CDX1: variants seen among roughly 807,000 people sequenced by gnomAD.
CDX1 encodes the protein caudal type homeobox 1.
Under a neutral mutation model 16.9 loss-of-function variants are expected in CDX1, and 9 were observed. The ratio of observed to expected loss-of-function variants is 0.53; its 90% CI spans 0.32 to 0.93. CDX1 has a LOEUF of 0.93. Among genes scored for constraint, CDX1 ranks in the 40% least tolerant of loss-of-function variants. The pLI, the probability that CDX1 is intolerant of heterozygous loss-of-function variation, is 0.04. For synonymous variants in CDX1, 179 were observed against 179.0 expected, an observed-to-expected ratio of 1.00 and a Z score of 0.00; for missense variants, 393 against 386.1, an observed-to-expected ratio of 1.02 and a Z score of -0.15.
intron 1 of CDX1, 83 bp downstream of exon 1, chr5:150,167,404 T>C: frequency 1.0e-6 from 1 of 1,001,242 alleles, no homozygotes; most frequent in South Asian, 5.0e-5. Flanking sequence ...TGACCTCTGC[T>C]CCGGCCCTGC....
chr5:150,178,298 A>G (rs1761594968), intron 1 of CDX1, among the ~76,000 whole-genome samples: 1 of 152,142 alleles, frequency 6.6e-6, no homozygotes, highest in African/African-American at 2.4e-5. Context: ...TGAGTTACCC[A>G]AGGCTCTTCC....
chr5:150,170,859 C>CT lies in CDX1; in HGVS notation c.445+3547dup, dbSNP rs918303322. ...GGATAGGAAATGACTACAAGACGTT[C>CT]TTTTTTTTTCCTTTTCTCTTTGCAT... On this transcript the variant is annotated intron_variant, in intron 1 of 2. Coordinates refer to ENST00000231656, the MANE Select transcript of CDX1 (RefSeq NM_001804.3). 2.0e-3 allele frequency among the ~76,000 whole-genome samples: 306 copies of CT among 151,694 alleles called. 2 individuals are homozygous for CT. The highest frequency in any genetic ancestry group is 7.0e-3 in the African/African-American group (289 of 41,342).
intron 1 of CDX1, among the ~76,000 whole-genome samples, chr5:150,177,220 T>C (rs553421969): frequency 1.3e-5 from 2 of 152,370 alleles, no homozygotes; most frequent in East Asian, 3.9e-4. Flanking sequence ...AAATTGGTCT[T>C]AGAATTCTTT....
At chr5:150,168,455 G>A (rs1761462503) in intron 1 of CDX1, among the ~76,000 whole-genome samples, 1 of 152,244 alleles carries the variant, frequency 6.6e-6, no homozygotes, top group Non-Finnish European at 1.5e-5. Context: ...CCAGGGAGAT[G>A]CAGGGAACCA....
chr5:150,183,507 G>A lies in CDX1; in HGVS notation c.625G>A (p.Glu209Lys). 5 of 1,610,540 alleles carry A rather than the reference G, an allele frequency of 3.1e-6. No homozygotes were observed. Among genetic ancestry groups the A allele is most frequent in the Non-Finnish European group, 3.4e-6 (4 of 1,177,752 alleles). Residue 209 changes from glutamate (E) to lysine (K), a missense_variant, in exon 3 of 3, where the codon GAG (glutamate) becomes AAG (lysine). Coordinates refer to ENST00000231656, the MANE Select transcript of CDX1 (RefSeq NM_001804.3). ...KIWFQNRRAKERKVNKKKQQQ... is the reference protein window; with the variant it reads ...KIWFQNRRAKKRKVNKKKQQQ... The stretch of plus-strand genomic sequence containing the variant: ...CTGGTTCCAAAACCGGCGGGCAAAG[G>A]AGCGCAAAGTGAACAAGAAGAAACA...
Position 150,167,245 on chromosome 5 carries a change from C to T in CDX1, c.369C>T (p.Ser123=). 3.2e-6 allele frequency: 4 copies of T among 1,265,422 alleles called. No individual in the cohort carries two copies. In the East Asian group the frequency reaches 9.4e-5, roughly 30 times the overall value. The allele number at this position is 1,265,422 out of a possible 1,614,324, so 78.4% of individuals were successfully genotyped here. ...CCCTCGGGGGCCCGGGCACACCGTC[C>T]TCGCCCGGAGCGCAGAGGCCGACGC... ...AQPLGGPGTP[S]SPGAQRPTPY... is the part of the protein sequence containing the mutation. The change falls in exon 1 of 3, where the codon TCC becomes TCT. Residue 123 remains serine, a synonymous_variant. Coordinates refer to ENST00000231656, the MANE Select transcript of CDX1 (RefSeq NM_001804.3).
Position 150,182,887 on chromosome 5 carries a change from G to A in CDX1, c.565G>A (p.Ala189Thr). 1 of 1,611,716 alleles carries A rather than the reference G, an allele frequency of 6.2e-7. No homozygotes were observed. The highest frequency in any genetic ancestry group is 8.5e-7 in the Non-Finnish European group (1 of 1,178,898). ...ITIRRKSELA[A>T]NLGLTERQVK... ...AATCCGGCGGAAATCAGAGCTGGCT[G>A]CCAATCTGGGGCTCACTGAACGGCA... Residue 189 changes from alanine (A) to threonine (T), a missense_variant, in exon 2 of 3, where the codon GCC (alanine) becomes ACC (threonine). Coordinates refer to ENST00000231656, the MANE Select transcript of CDX1 (RefSeq NM_001804.3).
chr5:150,176,564 G>T (rs1411858094), intron 1 of CDX1, among the ~76,000 whole-genome samples: 1 of 152,190 alleles, frequency 6.6e-6, no homozygotes, highest in Non-Finnish European at 1.5e-5. Context: ...GGGGTGGCAG[G>T]CAGCAAGGTG....
rs775641942 is a variant in CDX1 at position 150,166,821 on chromosome 5, G to T, written c.-56G>T. 1 of 1,270,308 alleles carries T rather than the reference G, an allele frequency of 7.9e-7. No homozygotes were observed. Among genetic ancestry groups the T allele is most frequent in the East Asian group, 3.2e-5 (1 of 31,664 alleles). 78.7% of individuals were successfully genotyped at this position (1,270,308 alleles called of 1,614,324 possible). On this transcript the variant is annotated 5_prime_UTR_variant, in exon 1 of 3. Coordinates refer to ENST00000231656, the MANE Select transcript of CDX1 (RefSeq NM_001804.3). ...AGGTGAGCGGTTGCTCGTCGTCGGG[G>T]CGGCCGGCAGCGGCGGCTCCAGGGC...
chr5:150,183,732 T>C lies in CDX1; in HGVS notation c.*52T>C, dbSNP rs745932017. On this transcript the variant is annotated 3_prime_UTR_variant, in exon 3 of 3. Coordinates refer to ENST00000231656, the MANE Select transcript of CDX1 (RefSeq NM_001804.3). ...GACCTGGGGACTCGGGTGCTGGGAG[T>C]GTGGCTCCTGTGGGCCCAGGAGGTC... The C allele has an allele frequency of 1.4e-6, 2 of 1,386,156 alleles. No homozygotes were observed. The highest frequency in any genetic ancestry group is 1.9e-6 in the Non-Finnish European group (2 of 1,040,562). 85.9% of individuals were successfully genotyped at this position (1,386,156 alleles called of 1,614,324 possible).
chr5:150,183,451 A>G (rs561327465), intron 2 of CDX1, 23 bp from the exon 3 acceptor site: 2 of 1,572,986 alleles, frequency 1.3e-6, no homozygotes, highest in South Asian at 2.3e-5. Context: ...TGCCCACTCC[A>G]TCTCTGTCCT....
chr5:150,171,883 T>G (rs1260735531), intron 1 of CDX1, among the ~76,000 whole-genome samples: 1 of 152,204 alleles, frequency 6.6e-6, no homozygotes, highest in Non-Finnish European at 1.5e-5. Flanking sequence ...AACAGGATAA[T>G]AATAGGATTG....
At chr5:150,170,728 G>T (rs116037639) in intron 1 of CDX1, among the ~76,000 whole-genome samples, 3,775 of 152,218 alleles carry the variant, frequency 0.025, 154 homozygotes, top group African/African-American at 0.085. Context: ...AGGGGGCAGT[G>T]ACAATGGGAA....
At chr5:150,180,958 A>G (rs189881615) in intron 1 of CDX1, among the ~76,000 whole-genome samples, 3 of 152,254 alleles carry the variant, frequency 2.0e-5, no homozygotes, top group Non-Finnish European at 4.4e-5. Context: ...CTCTCCCTGC[A>G]CTTCCCCTTC....
At chr5:150,174,296 T>C (rs1210936053) in intron 1 of CDX1, among the ~76,000 whole-genome samples, 5 of 152,206 alleles carry the variant, frequency 3.3e-5, no homozygotes, top group Non-Finnish European at 7.3e-5. Flanking sequence ...CAGGAAACAG[T>C]TCAGAGAGGC....
chr5:150,167,060 G>A lies in CDX1; in HGVS notation c.184G>A (p.Gly62Arg). The change falls in exon 1 of 3, where the codon GGG becomes AGG. Residue 62 changes from glycine to arginine, a missense_variant. Gly to Arg is a moderately radical substitution (Grantham distance 125). Coordinates refer to ENST00000231656, the MANE Select transcript of CDX1 (RefSeq NM_001804.3). ...EPAPAPPTAW[G>R]APFPAPKDDW... ...GGCCCCCGCGCCCCCGACGGCCTGG[G>A]GGGCGCCCTTCCCTGCGCCCAAGGA... The A allele has an allele frequency of 7.0e-7, 1 of 1,425,626 alleles. No individual in the cohort carries two copies. Among genetic ancestry groups the A allele is most frequent in the Non-Finnish European group, 9.1e-7 (1 of 1,095,358 alleles). 88.3% of individuals were successfully genotyped at this position (1,425,626 alleles called of 1,614,324 possible).
At chr5:150,167,532 C>T (rs975368392) in intron 1 of CDX1, among the ~76,000 whole-genome samples, 4 of 152,246 alleles carry the variant, frequency 2.6e-5, no homozygotes, top group Admixed American at 6.5e-5. Flanking sequence ...AACCCTCTCT[C>T]TGTACAGATA....
chr5:150,175,952 T>G (rs1366222789), intron 1 of CDX1, among the ~76,000 whole-genome samples: 1 of 152,196 alleles, frequency 6.6e-6, no homozygotes, highest in Non-Finnish European at 1.5e-5. Context: ...CAGACTGCTC[T>G]CACAGCCATT....
chr5:150,168,382 GT>G (rs1761461883), intron 1 of CDX1, among the ~76,000 whole-genome samples: 2 of 152,328 alleles, frequency 1.3e-5, no homozygotes, highest in South Asian at 4.1e-4. Flanking sequence ...GGAGCTACGG[GT>G]TCTGGCCATA....
Sources: gnomAD v4.1 joint callset for allele counts (sites outside exome capture counted in the v4.1 genomes callset) on GRCh38, gnomAD v4.1.1 for gene constraint, MANE v1.5 for transcripts, NCBI Gene and HGNC (gene_info 2026-07-23, HGNC 2026-07-21) for gene names.